SMG1: variants seen among roughly 807,000 people sequenced by gnomAD.
The protein encoded by SMG1 is SMG1 nonsense mediated mRNA decay associated PI3K related kinase, also known as serine/threonine-protein kinase SMG1.
A neutral mutation model predicts 419.9 loss-of-function variants in SMG1; 22 were observed. The observed-to-expected ratio is 0.05, with a 90% CI of 0.04 to 0.07. The LOEUF (loss-of-function observed/expected upper bound fraction) is 0.07, where lower values mean the gene tolerates loss of function less well. SMG1 is among the 10% of genes least tolerant of loss of function. The pLI is 1.00. For missense variants in SMG1, 3,185 were observed against 4,342.0 expected (o/e 0.73, Z 7.49); for synonymous variants, 1,538 against 1,553.5 (o/e 0.99, Z 0.23).
chr16:18,884,085 C>G lies in SMG1; in HGVS notation c.1104G>C (p.Met368Ile), dbSNP rs1567422817. The G allele has an allele frequency of 6.3e-7, 1 of 1,588,724 alleles. No homozygotes were observed. The highest frequency in any genetic ancestry group is 1.4e-5 in the African/African-American group (1 of 73,954). The change falls in exon 9 of 63, where the codon ATG (methionine) becomes ATC (isoleucine). Residue 368 changes from methionine to isoleucine, a missense_variant. Coordinates refer to ENST00000446231, the MANE Select transcript of SMG1 (RefSeq NM_015092.5). ...ATATACTCACCTCAGCATATGCTTC[C>G]ATGTCTTCCAGAAACTGACCAAGAA... ...TTLLGQFLED[M>I]EAYAEDLSHV... is the part of the protein sequence containing the mutation.
chr16:18,859,404 A>G (rs2035091474), intron 27 of SMG1, 152 bp downstream of exon 27: 2 of 701,394 alleles, frequency 2.9e-6, no homozygotes, highest in Non-Finnish European at 4.7e-6. Context: ...GGCAAGCAGC[A>G]TTCATATATC....
rs543347819 is a variant in SMG1, at chr16:18,914,044, G to A, written c.92+11906C>T. 9.2e-5 allele frequency among the ~76,000 whole-genome samples: 14 copies of A among 151,978 alleles called. No homozygotes were observed. In the East Asian group the frequency reaches 2.7e-3, roughly 30 times the overall value. ...TTAGCCAGGCGAGTGGCACATGTCT[G>A]TAATCCCAGCTACTCAGGAGGCCGA... On this transcript the variant is annotated intron_variant, in intron 1 of 62. Coordinates refer to ENST00000446231, the MANE Select transcript of SMG1 (RefSeq NM_015092.5).
At chr16:18,850,669 T>A (rs1056033739) in intron 33 of SMG1, among the ~76,000 whole-genome samples, 2 of 152,250 alleles carry the variant, frequency 1.3e-5, no homozygotes, top group African/African-American at 4.8e-5. Context: ...AAGAAGAATA[T>A]AAGCATTTAG....
chr16:18,913,160 T>A (rs1324276847), intron 1 of SMG1, among the ~76,000 whole-genome samples: 4 of 152,110 alleles, frequency 2.6e-5, no homozygotes, highest in Non-Finnish European at 5.9e-5. Flanking sequence ...GAAGTCAACG[T>A]AGAATCTGTC....
At chr16:18,814,325 T>A (rs2031779997) in intron 60 of SMG1, among the ~76,000 whole-genome samples, 2 of 150,876 alleles carry the variant, frequency 1.3e-5, no homozygotes. Context: ...TTCCTATGTT[T>A]CTCTGATATA....
At chr16:18,854,220 G>A (rs116745242) in intron 30 of SMG1, among the ~76,000 whole-genome samples, 94 of 149,346 alleles carry the variant, frequency 6.3e-4, no homozygotes, top group African/African-American at 2.2e-3. Flanking sequence ...TCAAGCAGCC[G>A]GAACTACAGG....
chr16:18,846,563 G>A (rs946866424), intron 38 of SMG1, among the ~76,000 whole-genome samples: 6 of 152,186 alleles, frequency 3.9e-5, no homozygotes, highest in Non-Finnish European at 8.8e-5. Flanking sequence ...AATGGGCAAA[G>A]GACTTGTAAT....
At chr16:18,919,210 C>T (rs575711496) in intron 1 of SMG1, among the ~76,000 whole-genome samples, 17 of 151,872 alleles carry the variant, frequency 1.1e-4, no homozygotes, top group Non-Finnish European at 2.2e-4. Context: ...GCCTGTAATC[C>T]CAGCTACTCG....
At chr16:18,852,275 T>A (rs1241343568) in intron 32 of SMG1, 43 bp downstream of exon 32, 1 of 1,603,722 alleles carries the variant, frequency 6.2e-7, no homozygotes, top group African/African-American at 1.3e-5. Flanking sequence ...CATTTAAATA[T>A]CTATTTATGC....
intron 11 of SMG1, chr16:18,878,676 A>G (rs2036253516): frequency 6.6e-6 from 1 of 152,250 alleles, no homozygotes; most frequent in Non-Finnish European, 1.5e-5. Flanking sequence ...TTTCCTCAAA[A>G]AACACAAGTA....
intron 60 of SMG1, among the ~76,000 whole-genome samples, chr16:18,812,483 A>G (rs1467680144): frequency 1.3e-5 from 2 of 151,956 alleles, no homozygotes; most frequent in Non-Finnish European, 2.9e-5. Context: ...ATAAACATTA[A>G]TTTACCAAAA....
intron 31 of SMG1, among the ~76,000 whole-genome samples, chr16:18,852,909 T>C (rs2034679608): frequency 6.6e-6 from 1 of 152,234 alleles, no homozygotes; most frequent in African/African-American, 2.4e-5. Context: ...TTGTTAAAGG[T>C]GAAGACACTG....
At chr16:18,893,388 G>A (rs567534195) in intron 3 of SMG1, among the ~76,000 whole-genome samples, 18 of 152,162 alleles carry the variant, frequency 1.2e-4, no homozygotes, top group Admixed American at 3.3e-4. Context: ...ACTTTGGAAG[G>A]CCAAGGCAGG....
rs572162825 is a variant in SMG1, at chr16:18,835,834, G to C, written c.8057+99C>G. ...GAATTGCTTGAACCTCAGAGACGGA[G>C]GTTGCAGTGAGCCAAGATCATGCCA... On this transcript the variant is annotated intron_variant, in intron 48 of 62. Transcript: ENST00000446231. 6 of 1,139,382 alleles carry C rather than the reference G, an allele frequency of 5.3e-6. No individual in the cohort carries two copies. In the African/African-American group the frequency reaches 7.7e-5, roughly 15 times the overall value. The allele number at this position is 1,139,382 out of a possible 1,614,324, so 70.6% of individuals were successfully genotyped here.
At chr16:18,847,703 G>T (rs984980336) in intron 37 of SMG1, 96 bp from the exon 38 acceptor site, 23 of 1,576,062 alleles carry the variant, frequency 1.5e-5, no homozygotes, top group Non-Finnish European at 2.0e-5. Flanking sequence ...TGTGCAATTG[G>T]TGCTCATTAT....
chr16:18,918,396 C>G (rs2038059916), intron 1 of SMG1, among the ~76,000 whole-genome samples: 1 of 152,224 alleles, frequency 6.6e-6, no homozygotes, highest in Non-Finnish European at 1.5e-5. Flanking sequence ...CCCAATTTCT[C>G]TACACACTGA....
At chr16:18,920,507 T>C (rs1179918491) in intron 1 of SMG1, among the ~76,000 whole-genome samples, 1 of 151,442 alleles carries the variant, frequency 6.6e-6, no homozygotes, top group South Asian at 2.1e-4. Context: ...ATGGGCAACA[T>C]GGGGAGGCCC....
chr16:18,914,507 AC>A (rs1159500800), intron 1 of SMG1, among the ~76,000 whole-genome samples: 2 of 151,622 alleles, frequency 1.3e-5, no homozygotes, highest in African/African-American at 2.4e-5. Context: ...AGACGGTGAA[AC>A]CCCATCTCTA....
At chr16:18,897,191 C>T (rs2037166277) in intron 1 of SMG1, among the ~76,000 whole-genome samples, 1 of 152,168 alleles carries the variant, frequency 6.6e-6, no homozygotes, top group Non-Finnish European at 1.5e-5. Flanking sequence ...AAGACCCATT[C>T]AGAAATATGA....
Sources: allele counts gnomAD v4.1 joint callset (sites outside exome capture counted in the v4.1 genomes callset), GRCh38; gene constraint gnomAD v4.1.1; transcripts MANE v1.5; gene names NCBI Gene and HGNC (gene_info 2026-07-23, HGNC 2026-07-21).